The following ARMC1 variants were observed in gnomAD, a reference collection of about 807,000 sequenced individuals.
ARMC1 encodes armadillo repeat-containing protein 1.
ARMC1 carries 16 observed loss-of-function variants against 31.4 expected under a neutral mutation model. The observed-to-expected ratio is 0.51, with a 90% CI of 0.34 to 0.77. The LOEUF (loss-of-function observed/expected upper bound fraction) is 0.77, where lower values mean the gene tolerates loss of function less well. Ranked by LOEUF, ARMC1 falls within the 30% of genes least tolerant of loss-of-function variation. ARMC1 has a pLI of 0.01. For synonymous variants in ARMC1, 114 were observed against 118.9 expected (o/e 0.96, Z 0.27); for missense variants, 259 against 347.5 (o/e 0.75, Z 2.02).
chr8:65,622,895 A>G (rs970433016), intron 2 of ARMC1, among the ~76,000 whole-genome samples: 1 of 151,844 alleles, frequency 6.6e-6, no homozygotes, highest in Non-Finnish European at 1.5e-5. Flanking sequence ...AGTCCCAGCT[A>G]CTTGGAAGGC....
intron 1 of ARMC1, among the ~76,000 whole-genome samples, chr8:65,629,748 G>T (rs969023482): frequency 6.8e-6 from 1 of 146,934 alleles, no homozygotes; most frequent in African/African-American, 2.5e-5. Context: ...ACAGTGAGCC[G>T]AGATTGTACC....
rs563847071 is a variant in ARMC1, at chr8:65,618,487, A to T, written c.275+3776T>A. On this transcript the variant is annotated intron_variant, in intron 3 of 6. Coordinates refer to ENST00000276569, the MANE Select transcript of ARMC1 (RefSeq NM_018120.6). ...CAGTGAGCCAAGATTGGGCCACTGC[A>T]TTACAGCCTGGGTGACAGGGTGAGA... Among the ~76,000 whole-genome samples the T allele has an allele frequency of 3.2e-3, 472 of 145,760 alleles. 1 individual carries two copies. The highest frequency in any genetic ancestry group is 5.0e-3 in the Non-Finnish European group (336 of 66,930).
At chr8:65,615,562 C>CT (rs755382668) in intron 3 of ARMC1, among the ~76,000 whole-genome samples, 9 of 151,978 alleles carry the variant, frequency 5.9e-5, no homozygotes, top group Non-Finnish European at 8.8e-5. Flanking sequence ...CAAAAACTAG[C>CT]TGGGCGTGGT....
intron 4 of ARMC1, among the ~76,000 whole-genome samples, chr8:65,608,594 A>T (rs1452004927): frequency 6.6e-6 from 1 of 152,192 alleles, no homozygotes; most frequent in Non-Finnish European, 1.5e-5. Flanking sequence ...AAAGTTACAT[A>T]GGTAGAGTAA....
At position 65,620,092 on chromosome 8, in the gene ARMC1, C is replaced by A. The variant is rs1055078079; in HGVS notation, c.275+2171G>T. The stretch of plus-strand genomic sequence containing the variant: ...GGCAGAGGTTGCACTGAGCTAACAT[C>A]GTACCAGCCAAGGTGGCATATTGAG... On this transcript the variant is annotated intron_variant, in intron 3 of 6. Coordinates refer to ENST00000276569, the MANE Select transcript of ARMC1 (RefSeq NM_018120.6). Among the ~76,000 whole-genome samples the A allele has an allele frequency of 4.7e-5, 7 of 150,448 alleles. No homozygotes were observed. In the South Asian group the frequency reaches 1.5e-3, roughly 32 times the overall value.
intron 3 of ARMC1, among the ~76,000 whole-genome samples, chr8:65,615,887 C>T (rs1401336504): frequency 6.6e-6 from 1 of 151,526 alleles, no homozygotes; most frequent in Non-Finnish European, 1.5e-5. Context: ...AAGAGCAAGA[C>T]TCCGTCACAA....
chr8:65,616,361 C>T (rs1000170801), intron 3 of ARMC1, among the ~76,000 whole-genome samples: 1 of 152,244 alleles, frequency 6.6e-6, no homozygotes, highest in Non-Finnish European at 1.5e-5. Context: ...TCTCCAGCTC[C>T]TAACCACGAG....
At position 65,605,629 on chromosome 8, in the gene ARMC1, G is replaced by A; in HGVS notation, c.466-91C>T. 3 of 873,106 alleles carry A rather than the reference G, an allele frequency of 3.4e-6. No individual in the cohort carries two copies. The Admixed American group carries it at 6.2e-5, about 18-fold the overall frequency. 54.1% of individuals were successfully genotyped at this position (873,106 alleles called of 1,614,324 possible). On this transcript the variant is annotated intron_variant, in intron 4 of 6. Transcript: ENST00000276569. ...AAGCTATATTTTGGAGGGGGGAAGA[G>A]AGCAAATGACCTATTTCAGTTTTAC...
chr8:65,610,407 A>C (rs1808109307), intron 4 of ARMC1, among the ~76,000 whole-genome samples: 1 of 150,636 alleles, frequency 6.6e-6, no homozygotes, highest in African/African-American at 2.4e-5. Flanking sequence ...GACAAAATAA[A>C]ATTTAAGGCC....
intron 3 of ARMC1, among the ~76,000 whole-genome samples, chr8:65,620,405 G>A (rs1212256731): frequency 6.8e-6 from 1 of 146,776 alleles, no homozygotes; most frequent in African/African-American, 2.5e-5. Context: ...GAGTTCAAGC[G>A]ATTCTCCTGC....
At chr8:65,611,482 C>CT (rs57974203) in intron 4 of ARMC1, among the ~76,000 whole-genome samples, 19 of 150,266 alleles carry the variant, frequency 1.3e-4, no homozygotes, top group South Asian at 2.1e-4. Context: ...TTTCTAGTTT[C>CT]TTTTTTTTTC....
chr8:65,618,136 G>A (rs1431117250), intron 3 of ARMC1, among the ~76,000 whole-genome samples: 3 of 151,968 alleles, frequency 2.0e-5, no homozygotes, highest in African/African-American at 7.2e-5. Flanking sequence ...GGCTGGTCTC[G>A]AACTCCTGAC....
intron 1 of ARMC1, among the ~76,000 whole-genome samples, chr8:65,630,288 T>C (rs943321838): frequency 7.9e-5 from 12 of 152,310 alleles, no homozygotes; most frequent in Middle Eastern, 3.4e-3. Context: ...TTGTACCCCA[T>C]AAATATATAC....
intron 3 of ARMC1, among the ~76,000 whole-genome samples, chr8:65,619,243 T>A (rs1808340935): frequency 6.6e-6 from 1 of 151,800 alleles, no homozygotes; most frequent in African/African-American, 2.4e-5. Flanking sequence ...AGCAAAGAAA[T>A]TTTAGAGCAG....
intron 2 of ARMC1, among the ~76,000 whole-genome samples, chr8:65,623,756 C>T (rs575672910): frequency 3.4e-5 from 5 of 145,442 alleles, no homozygotes; most frequent in South Asian, 2.2e-4. Context: ...TATTAGAAAC[C>T]GTACATGCCA....
chr8:65,632,163 G>A (rs903178139), intron 1 of ARMC1, among the ~76,000 whole-genome samples: 1 of 152,260 alleles, frequency 6.6e-6, no homozygotes, highest in East Asian at 1.9e-4. Flanking sequence ...AGATGGCCAG[G>A]TACCATGGCT....
chr8:65,631,582 T>C (rs1296418612), intron 1 of ARMC1, among the ~76,000 whole-genome samples: 1 of 152,164 alleles, frequency 6.6e-6, no homozygotes, highest in Admixed American at 6.5e-5. Context: ...ATTGCAGCGT[T>C]CACAAAGCAG....
In ARMC1 at chr8:65,625,264, C is replaced by A. The variant is rs748482146; in HGVS notation, c.183+1952G>T. On this transcript the variant is annotated intron_variant, in intron 2 of 6. Transcript: ENST00000276569. ...TCTACTGTATATCATTTCAACCAAT[C>A]CTGCCAAGATCCTAAACTCCCTTGC... is the stretch of plus-strand genomic sequence containing the variant. Among the ~76,000 whole-genome samples the A allele has an allele frequency of 3.9e-5, 6 of 152,308 alleles. No individual in the cohort carries two copies. The South Asian group carries it at 1.2e-3, about 32-fold the overall frequency.
At chr8:65,626,077 G>A (rs947535343) in intron 2 of ARMC1, among the ~76,000 whole-genome samples, 2 of 152,028 alleles carry the variant, frequency 1.3e-5, no homozygotes, top group African/African-American at 4.8e-5. Flanking sequence ...TTTTAGTACA[G>A]ACAGGGTTTC....
Sources: allele counts gnomAD v4.1 joint callset (sites outside exome capture counted in the v4.1 genomes callset), GRCh38; gene constraint gnomAD v4.1.1; transcripts MANE v1.5; gene names NCBI Gene and HGNC (gene_info 2026-07-23, HGNC 2026-07-21).